The following NAV1 variants were observed in gnomAD, a reference collection of about 807,000 sequenced individuals.
NAV1 encodes neuron navigator 1, also known as pore membrane and/or filament interacting like protein 3.
NAV1 carries 18 observed loss-of-function variants against 175.2 expected under a neutral mutation model. The observed-to-expected ratio is 0.10, with a 90% confidence interval of 0.07 to 0.15. NAV1 has a LOEUF of 0.15. Ranked by LOEUF, NAV1 falls within the 10% of genes least tolerant of loss-of-function variation. The pLI is 1.00. For missense variants in NAV1, 1,731 were observed against 2,436.6 expected (o/e 0.71, Z 6.10); for synonymous variants, 897 against 978.7 (o/e 0.92, Z 1.56).
intron 1 of NAV1, among the ~76,000 whole-genome samples, chr1:201,675,799 G>C (rs974075736): frequency 6.6e-6 from 1 of 152,174 alleles, no homozygotes; most frequent in Admixed American, 6.5e-5. Context: ...AGGCAACGAA[G>C]TTTGCCTATC....
At chr1:201,613,909 A>ATAAAGGGAT (rs1667924969) in intron 2 of NAV1, among the ~76,000 whole-genome samples, 4 of 152,162 alleles carry the variant, frequency 2.6e-5, no homozygotes, top group Non-Finnish European at 4.4e-5. Flanking sequence ...ACTTTAAGGT[A>ATAAAGGGAT]GATATTGTTA....
At chr1:201,780,974 T>A in intron 4 of NAV1, 38 bp from the exon 9 acceptor site, 1 of 1,556,020 alleles carries the variant, frequency 6.4e-7, no homozygotes, top group Non-Finnish European at 8.7e-7. Context: ...CCCATCTGCA[T>A]AGAAGTATCT....
At chr1:201,616,886 A>C (rs746515092) in intron 2 of NAV1, among the ~76,000 whole-genome samples, 1 of 152,190 alleles carries the variant, frequency 6.6e-6, no homozygotes, top group Non-Finnish European at 1.5e-5. Flanking sequence ...TAGAGAGCAG[A>C]ACCTGGGTCT....
intron 7 of NAV1, among the ~76,000 whole-genome samples, chr1:201,785,060 G>A (rs550097575): frequency 1.4e-4 from 21 of 152,310 alleles, no homozygotes; most frequent in East Asian, 5.8e-4. Context: ...GAGCTACGGC[G>A]CCCGGCCTAA....
At chr1:201,771,461 T>G (rs1217452476) in intron 3 of NAV1, among the ~76,000 whole-genome samples, 1 of 144,032 alleles carries the variant, frequency 6.9e-6, no homozygotes, top group Non-Finnish European at 1.5e-5. Context: ...ACCACACCAT[T>G]GCACTCCAGC....
chr1:201,744,937 T>C (rs1326014033), intron 3 of NAV1, among the ~76,000 whole-genome samples: 1 of 152,216 alleles, frequency 6.6e-6, no homozygotes, highest in Non-Finnish European at 1.5e-5. Context: ...CTGGAGGTCT[T>C]TGATAGTGCC....
chr1:201,698,049 C>T (rs1303498919), intron 1 of NAV1, among the ~76,000 whole-genome samples: 3 of 152,220 alleles, frequency 2.0e-5, no homozygotes, highest in African/African-American at 7.2e-5. Flanking sequence ...TTGACAAAGA[C>T]TCTCTAGCTC....
chr1:201,735,782 G>A (rs997869150), intron 3 of NAV1, among the ~76,000 whole-genome samples: 2 of 152,206 alleles, frequency 1.3e-5, no homozygotes, highest in Non-Finnish European at 1.5e-5. Context: ...TTAGACATCT[G>A]TCAAGGTCAC....
At chr1:201,576,550 G>A (rs372657557) in intron 1 of NAV1, among the ~76,000 whole-genome samples, 21 of 151,494 alleles carry the variant, frequency 1.4e-4, no homozygotes, top group East Asian at 1.2e-3. Flanking sequence ...AGACCAGTCT[G>A]GGCAACACAG....
chr1:201,732,109 CT>C (rs930893634), intron 3 of NAV1, among the ~76,000 whole-genome samples: 2,725 of 147,548 alleles, frequency 0.018, 30 homozygotes, highest in Non-Finnish European at 0.027. Flanking sequence ...CTCTCTCTCT[CT>C]TTTTTTTTTT....
At chr1:201,785,482 T>TACTTGTATGGGA in intron 8 of NAV1, 131 bp downstream of exon 12, 1 of 951,398 alleles carries the variant, frequency 1.1e-6, no homozygotes, top group Non-Finnish European at 1.6e-6. Flanking sequence ...TTGTATGTGG[T>TACTTGTATGGGA]CCCATACAAG....
chr1:201,781,270 C>T, exon 5 of NAV1: 1 of 1,613,638 alleles, frequency 6.2e-7, no homozygotes, highest in Non-Finnish European at 8.5e-7. Context: ...TGTAACTTCC[C>T]CCATCACTCA....
intron 2 of NAV1, among the ~76,000 whole-genome samples, chr1:201,611,938 T>G (rs568394376): frequency 2.0e-5 from 3 of 151,384 alleles, no homozygotes; most frequent in Admixed American, 6.6e-5. Flanking sequence ...GTGAGTTGCA[T>G]GTATGATGTG....
chr1:201,691,287 A>G (rs1670927059), intron 1 of NAV1, among the ~76,000 whole-genome samples: 1 of 152,198 alleles, frequency 6.6e-6, no homozygotes, highest in Non-Finnish European at 1.5e-5. Flanking sequence ...AACCACTATA[A>G]TAGAGGCACC....
At chr1:201,748,119 T>C (rs571838777) in intron 3 of NAV1, among the ~76,000 whole-genome samples, 1 of 152,334 alleles carries the variant, frequency 6.6e-6, no homozygotes, top group African/African-American at 2.4e-5. Context: ...GCTCATAATG[T>C]GTTTTGGAAT....
rs139178882 is a variant in NAV1 at position 201,740,233 on chromosome 1, C to T, written c.1226+21478C>T. 3.3e-5 allele frequency among the ~76,000 whole-genome samples: 5 copies of T among 152,312 alleles called. No individual in the cohort carries two copies. The highest frequency in any genetic ancestry group is 7.4e-5 in the Non-Finnish European group (5 of 68,026). On this transcript the variant is annotated intron_variant, in intron 3 of 29. Transcript: ENST00000367296. This position sits in a 1 kb window ranked among gnomAD's most constrained non-coding sequence, Gnocchi z 4.7. ...CGCAAGAAGGAGGGTCTTGGCCGCG[C>T]TCGCTTTTCCGCCAGAGAGGAGTGC...
At chr1:201,784,248 C>G (rs1676540420) in intron 7 of NAV1, among the ~76,000 whole-genome samples, 1 of 152,092 alleles carries the variant, frequency 6.6e-6, no homozygotes, top group South Asian at 2.1e-4. Context: ...ATCTCTGCCT[C>G]CCAGGTTCAA....
intron 11 of NAV1, among the ~76,000 whole-genome samples, chr1:201,790,035 T>C (rs16849353): frequency 0.019 from 2,894 of 152,178 alleles, 91 homozygotes; most frequent in African/African-American, 0.066. Flanking sequence ...TGATTTTTGT[T>C]CCCCTCCTTT....
intron 1 of NAV1, among the ~76,000 whole-genome samples, chr1:201,689,530 C>T (rs976497992): frequency 1.3e-5 from 2 of 152,184 alleles, no homozygotes; most frequent in African/African-American, 4.8e-5. Flanking sequence ...GCAAAAGGGA[C>T]AGGATGGACA....
Sources: gnomAD v4.1 joint callset for allele counts (sites outside exome capture counted in the v4.1 genomes callset) on GRCh38, gnomAD v4.1.1 for gene constraint, Gnocchi (gnomAD v3.1) non-coding constraint, MANE v1.5 for transcripts, NCBI Gene and HGNC (gene_info 2026-07-23, HGNC 2026-07-21) for gene names.